The following SASH1 variants were observed in gnomAD, a reference collection of about 807,000 sequenced individuals.
The protein encoded by SASH1 is SAM and SH3 domain containing 1.
A neutral mutation model predicts 125.2 loss-of-function variants in SASH1; 44 were observed. The ratio of observed to expected loss-of-function variants is 0.35; its 90% CI spans 0.28 to 0.45. The LOEUF is 0.45. Ranked by LOEUF, SASH1 falls within the 20% of genes least tolerant of loss-of-function variation. The pLI is 1.00. For synonymous variants in SASH1, 639 were observed against 649.1 expected (o/e 0.98, Z 0.24); for missense variants, 1,426 against 1,614.5 (o/e 0.88, Z 2.00).
At chr6:148,450,897 A>T (rs144661908) in intron 4 of SASH1, among the ~76,000 whole-genome samples, 153 of 152,266 alleles carry the variant, frequency 1.0e-3, no homozygotes, top group African/African-American at 3.5e-3. Flanking sequence ...CTCTTGGGCA[A>T]GCCACTTGAC....
At chr6:148,312,270 T>C (rs889983460) in intron 1 of SASH1, among the ~76,000 whole-genome samples, 1 of 152,170 alleles carries the variant, frequency 6.6e-6, no homozygotes, top group Non-Finnish European at 1.5e-5. Context: ...GCATGATTTT[T>C]AGTGTGTAAA....
intron 1 of SASH1, among the ~76,000 whole-genome samples, chr6:148,281,489 C>T (rs1181582589): frequency 6.6e-6 from 1 of 152,088 alleles, no homozygotes; most frequent in Non-Finnish European, 1.5e-5. Context: ...AGGGAGGGCT[C>T]CAGGAGGCAT....
At chr6:148,263,044 T>A in the SASH1 span, among the ~76,000 whole-genome samples, 1 of 152,054 alleles carries the variant, frequency 6.6e-6, no homozygotes, top group Non-Finnish European at 1.5e-5. Context: ...TTTTGAGAGA[T>A]GATTCTGAAG....
upstream of SASH1, among the ~76,000 whole-genome samples, chr6:148,268,476 T>C (rs1778991471): frequency 6.6e-6 from 1 of 152,166 alleles, no homozygotes; most frequent in South Asian, 2.1e-4. Context: ...AAAAATGTAA[T>C]CAACTGCTGA....
upstream of SASH1, among the ~76,000 whole-genome samples, chr6:148,271,737 C>G (rs1294513771): frequency 1.3e-5 from 2 of 152,124 alleles, no homozygotes; most frequent in Non-Finnish European, 2.9e-5. Flanking sequence ...GATGTACAGT[C>G]CATTGATGAA....
At chr6:148,294,854 G>GT (rs1281995012) in intron 1 of SASH1, among the ~76,000 whole-genome samples, 4 of 152,192 alleles carry the variant, frequency 2.6e-5, no homozygotes, top group Admixed American at 2.6e-4. Context: ...CCACAGCTCA[G>GT]TAAGGTATTC....
rs1461104566 is a variant in SASH1, at chr6:148,298,701, GGAAGGAAGGAA to G, written n.74+26334_74+26344del. Among the ~76,000 whole-genome samples, 270 of 83,564 alleles carry G rather than the reference GGAAGGAAGGAA, an allele frequency of 3.2e-3. 5 individuals carry two copies. Among genetic ancestry groups the G allele is most frequent in the South Asian group, 0.014 (22 of 1,522 alleles). The allele number at this position is 83,564 out of a possible 152,430, so 54.8% of individuals were successfully genotyped here. ...AGGAAGGAAGGAAGGAAGGAAGGAA[GGAAGGAAGGAA>G]GAAGGAAGGGAAAGGAGGGAGGGAG... On this transcript the variant is annotated intron_variant and non_coding_transcript_variant, in intron 1 of 3. Transcript: ENST00000367469.
At chr6:148,372,993 G>A (rs1209268436) in intron 1 of SASH1, among the ~76,000 whole-genome samples, 7 of 152,072 alleles carry the variant, frequency 4.6e-5, no homozygotes, top group African/African-American at 4.8e-5. Flanking sequence ...TCAGGAGTTC[G>A]AGACCAGCCT....
intron 7 of SASH1, among the ~76,000 whole-genome samples, chr6:148,483,483 GA>G (rs1778715863): frequency 6.6e-6 from 1 of 152,296 alleles, no homozygotes; most frequent in African/African-American, 2.4e-5. Context: ...GTGGCCTGTT[GA>G]AAGAAAGCTT....
chr6:148,309,294 G>T (rs572390661), intron 1 of SASH1, among the ~76,000 whole-genome samples: 3 of 152,124 alleles, frequency 2.0e-5, no homozygotes, highest in Admixed American at 2.0e-4. Flanking sequence ...CAGTGGTAAA[G>T]GCTAAGCAGT....
At position 148,302,681 on chromosome 6, in the gene SASH1, G is replaced by A. The variant is rs10579784; in HGVS notation, n.74+30304G>A. Among the ~76,000 whole-genome samples, 20 of 10,212 alleles carry A rather than the reference G, an allele frequency of 2.0e-3. 1 individual carries two copies. The highest frequency in any genetic ancestry group is 9.7e-3 in the South Asian group (2 of 206). The allele number at this position is 10,212 out of a possible 152,430, so 6.7% of individuals were successfully genotyped here. A position where few individuals can be genotyped will look rare whatever the true frequency, so the allele number is the denominator to read the frequency against. On this transcript the variant is annotated intron_variant and non_coding_transcript_variant, in intron 1 of 3. Coordinates refer to the SASH1 transcript ENST00000367469. Reference sequence around the variant, plus strand: ...TATATATACACACACACACACACACGGAGAAATATATATATACACACTGTG... The same window carrying A: ...TATATATACACACACACACACACACAGAGAAATATATATATACACACTGTG...
intron 1 of SASH1, among the ~76,000 whole-genome samples, chr6:148,387,505 C>T (rs1193516641): frequency 7.2e-6 from 1 of 138,386 alleles, no homozygotes; most frequent in African/African-American, 2.6e-5. Flanking sequence ...TCTTCTCTCT[C>T]TTTCTTTTTC....
intron 2 of SASH1, chr6:148,393,888 CTT>C (rs67180276): frequency 0.031 from 3,417 of 108,738 alleles, 73 homozygotes; most frequent in African/African-American, 0.065. Context: ...CTCTCTCTCT[CTT>C]TTTTTTTTTT....
At chr6:148,385,869 T>A (rs1483798745) in intron 1 of SASH1, among the ~76,000 whole-genome samples, 1 of 152,192 alleles carries the variant, frequency 6.6e-6, no homozygotes, top group Non-Finnish European at 1.5e-5. Flanking sequence ...GTGAATTCTT[T>A]CAAAATAAGT....
chr6:148,331,379 G>T (rs78852282), intron 1 of SASH1, among the ~76,000 whole-genome samples: 13,457 of 152,184 alleles, frequency 0.088, 627 homozygotes, highest in Non-Finnish European at 0.11. Flanking sequence ...ACCCAGGCTG[G>T]GGTGCAATGG....
rs1782696560 is a variant in SASH1 at position 148,548,473 on chromosome 6, C to T, written c.3659C>T (p.Ala1220Val). Reference sequence around the variant, plus strand: ...CTGTCTCACACTTGCCTTCAGGAGGCCGGCATCACAGAGGAGAGACACATA... The same window carrying T: ...CTGTCTCACACTTGCCTTCAGGAGGTCGGCATCACAGAGGAGAGACACATA... ...PSLSHTCLQE[A>V]GITEERHIRK... Residue 1220 changes from alanine to valine, a missense_variant, in exon 20 of 20, where the codon GCC becomes GTC. Around this residue, in one of 3 missense-constraint regions of SASH1, gnomAD observed 634 missense variants for 694.4 expected, o/e 0.91. Coordinates refer to ENST00000367467, the MANE Select transcript of SASH1 (RefSeq NM_015278.5). 1 of 1,614,112 alleles carries T rather than the reference C, an allele frequency of 6.2e-7. No individual in the cohort carries two copies. The highest frequency in any genetic ancestry group is 1.7e-5 in the Admixed American group (1 of 60,010).
intron 1 of SASH1, among the ~76,000 whole-genome samples, chr6:148,304,782 C>T (rs1428047998): frequency 2.0e-5 from 3 of 152,194 alleles, no homozygotes; most frequent in Non-Finnish European, 4.4e-5. Flanking sequence ...AATCCCAACA[C>T]TTTGGGAGGC....
At chr6:148,426,980 A>AAT (rs770143687) in intron 2 of SASH1, among the ~76,000 whole-genome samples, 14 of 152,056 alleles carry the variant, frequency 9.2e-5, no homozygotes, top group Admixed American at 2.6e-4. Flanking sequence ...TTAAAAATAC[A>AAT]ATATATATAT....
At chr6:148,442,975 C>G (rs1488876189) in intron 4 of SASH1, among the ~76,000 whole-genome samples, 1 of 151,876 alleles carries the variant, frequency 6.6e-6, no homozygotes, top group Non-Finnish European at 1.5e-5. Flanking sequence ...AGGGTTTCAC[C>G]ATGTTGGGCA....
Sources: gnomAD v4.1 joint callset for allele counts (sites outside exome capture counted in the v4.1 genomes callset) on GRCh38, gnomAD v4.1.1 for gene constraint, gnomAD v4.1.1 regional missense constraint, MANE v1.5 for transcripts, NCBI Gene and HGNC (gene_info 2026-07-23, HGNC 2026-07-21) for gene names.